The following MSRA variants were observed in gnomAD, a reference collection of about 807,000 sequenced individuals.
MSRA encodes the protein methionine sulfoxide reductase A.
In MSRA, 54 loss-of-function variants were observed where a neutral mutation model predicts 31.3. The observed-to-expected ratio is 1.73, with a 90% CI of 1.39 to 2.17. The LOEUF (loss-of-function observed/expected upper bound fraction) is 2.17. MSRA is among the 30% of genes most tolerant of loss of function. MSRA has a pLI of 0.00. For synonymous variants in MSRA, 169 were observed against 116.5 expected (o/e 1.45, Z -2.90); for missense variants, 507 against 300.9 (o/e 1.69, Z -5.07).
chr8:10,250,115 GCA>G (rs145079799), intron 3 of MSRA, among the ~76,000 whole-genome samples: 30 of 150,238 alleles, frequency 2.0e-4, no homozygotes, highest in African/African-American at 5.4e-4. Flanking sequence ...CTTTACACAT[GCA>G]CACACACACA....
intron 5 of MSRA, among the ~76,000 whole-genome samples, chr8:10,330,657 CT>C (rs1272746080): frequency 6.6e-6 from 1 of 152,234 alleles, no homozygotes; most frequent in Non-Finnish European, 1.5e-5. Context: ...GACAAATGCT[CT>C]TTTCTGCAGA....
chr8:10,352,009 T>C (rs1300251462), intron 5 of MSRA, among the ~76,000 whole-genome samples: 2 of 152,216 alleles, frequency 1.3e-5, no homozygotes, highest in African/African-American at 4.8e-5. Flanking sequence ...TAATGTTCCT[T>C]AGTCGAATCA....
chr8:10,255,916 C>T (rs1798152135), intron 3 of MSRA, among the ~76,000 whole-genome samples: 1 of 152,076 alleles, frequency 6.6e-6, no homozygotes, highest in Non-Finnish European at 1.5e-5. Flanking sequence ...CCATCTATCC[C>T]ATCCCCCCAC....
chr8:10,269,731 A>T (rs937492489), intron 3 of MSRA, among the ~76,000 whole-genome samples: 3 of 152,100 alleles, frequency 2.0e-5, no homozygotes, highest in African/African-American at 7.2e-5. Flanking sequence ...GCTCACTGCA[A>T]GCTCCACCTC....
In MSRA at chr8:10,231,419, A is replaced by C. The variant is rs566715546; in HGVS notation, c.212-13685A>C. Among the ~76,000 whole-genome samples, 281 of 152,336 alleles carry C rather than the reference A, an allele frequency of 1.8e-3. 1 individual carries two copies. The highest frequency in any genetic ancestry group is 6.5e-3 in the African/African-American group (269 of 41,582). On this transcript the variant is annotated intron_variant, in intron 2 of 5. Coordinates refer to ENST00000317173, the MANE Select transcript of MSRA (RefSeq NM_012331.5). The stretch of plus-strand genomic sequence containing the variant: ...GACAGAAGATATTGGCTTGGTAGTC[A>C]GCTTGGTGGTAGCTGTATTGAATTT...
intron 4 of MSRA, among the ~76,000 whole-genome samples, chr8:10,318,773 C>A (rs1213804141): frequency 6.6e-6 from 1 of 152,172 alleles, no homozygotes; most frequent in Non-Finnish European, 1.5e-5. Context: ...AGTCATCTTT[C>A]CCAGTGAAGC....
intron 1 of MSRA, among the ~76,000 whole-genome samples, chr8:10,168,614 C>A (rs57921454): frequency 0.028 from 4,209 of 152,210 alleles, 173 homozygotes; most frequent in African/African-American, 0.092. Context: ...TTTTACAGAT[C>A]AAGAAAGTGA....
chr8:10,425,142 G>T (rs928757998), intron 5 of MSRA, among the ~76,000 whole-genome samples: 1 of 152,028 alleles, frequency 6.6e-6, no homozygotes, highest in Non-Finnish European at 1.5e-5. Flanking sequence ...TTGGCGGTGG[G>T]TGGGGGGATG....
At chr8:10,136,190 G>A (rs1457585370) in intron 1 of MSRA, among the ~76,000 whole-genome samples, 2 of 152,144 alleles carry the variant, frequency 1.3e-5, no homozygotes, top group East Asian at 1.9e-4. Context: ...CAGGGACCCC[G>A]GGCAGAGAGG....
intron 5 of MSRA, among the ~76,000 whole-genome samples, chr8:10,349,615 T>A (rs1264785052): frequency 1.1e-4 from 16 of 152,240 alleles, no homozygotes; most frequent in Admixed American, 1.0e-3. Flanking sequence ...CATGCCTCAA[T>A]GATGAGGAAG....
At chr8:10,055,267 C>G (rs1802283495) in intron 1 of MSRA, among the ~76,000 whole-genome samples, 1 of 152,236 alleles carries the variant, frequency 6.6e-6, no homozygotes, top group Non-Finnish European at 1.5e-5. Context: ...CGATGCTCCA[C>G]AAACTTGGAC....
chr8:10,399,419 C>T (rs1400445992), intron 5 of MSRA, among the ~76,000 whole-genome samples: 1 of 152,188 alleles, frequency 6.6e-6, no homozygotes, highest in Non-Finnish European at 1.5e-5. Flanking sequence ...TGGCTTAGCG[C>T]CATCTCCTTG....
At chr8:10,224,895 T>C (rs192959892) in intron 2 of MSRA, among the ~76,000 whole-genome samples, 2 of 152,320 alleles carry the variant, frequency 1.3e-5, no homozygotes, top group Middle Eastern at 3.4e-3. Flanking sequence ...CTCACACCTG[T>C]AATGCCAGTA....
intron 1 of MSRA, among the ~76,000 whole-genome samples, chr8:10,149,354 C>G (rs4841286): frequency 0.63 from 95,109 of 151,880 alleles, 30,304 homozygotes; most frequent in Middle Eastern, 0.73. Context: ...AACTCCGCGA[C>G]CTCAGGTGAT....
At chr8:10,337,719 C>T in intron 5 of MSRA, 1 of 702,616 alleles carries the variant, frequency 1.4e-6, no homozygotes, top group Non-Finnish European at 2.6e-6. Flanking sequence ...CTGGTGCTTC[C>T]CTGTTCTTCC....
At chr8:10,075,160 T>A (rs752281438) in intron 1 of MSRA, among the ~76,000 whole-genome samples, 3 of 152,244 alleles carry the variant, frequency 2.0e-5, no homozygotes, top group Non-Finnish European at 4.4e-5. Flanking sequence ...TTCTGTATAA[T>A]GGCATTGCAA....
chr8:10,301,721 G>A (rs1401441419), intron 4 of MSRA, 83 bp downstream of exon 4: 4 of 1,121,652 alleles, frequency 3.6e-6, no homozygotes, highest in Non-Finnish European at 5.2e-6. Flanking sequence ...TGGAAGAGAT[G>A]AACCTTGAAA....
Position 10,333,527 on chromosome 8 carries a change from T to G in MSRA, c.543+13538T>G, listed in dbSNP as rs745877353. 2.5e-4 allele frequency among the ~76,000 whole-genome samples: 38 copies of G among 152,314 alleles called. 1 individual carries two copies. In the Middle Eastern group the frequency reaches 0.014, roughly 55 times the overall value. ...GGCAGCAGTGGCTCTGTACTTGCTTTGTGTATGACCTTGGGTTGTTGACCT... is the reference window on the plus strand; with the variant it reads ...GGCAGCAGTGGCTCTGTACTTGCTTGGTGTATGACCTTGGGTTGTTGACCT... On this transcript the variant is annotated intron_variant, in intron 5 of 5. Coordinates refer to ENST00000317173, the MANE Select transcript of MSRA (RefSeq NM_012331.5).
At chr8:10,262,629 G>C (rs1278346484) in intron 3 of MSRA, among the ~76,000 whole-genome samples, 2 of 152,118 alleles carry the variant, frequency 1.3e-5, no homozygotes, top group Non-Finnish European at 2.9e-5. Context: ...TGTGACTTGA[G>C]AATGTGTCCT....
Sources: gnomAD v4.1 joint callset for allele counts (sites outside exome capture counted in the v4.1 genomes callset) on GRCh38, gnomAD v4.1.1 for gene constraint, MANE v1.5 for transcripts, NCBI Gene and HGNC (gene_info 2026-07-23, HGNC 2026-07-21) for gene names.